Variants in BMPR1B observed in about 807,000 individuals in gnomAD.
The protein encoded by BMPR1B is bone morphogenetic protein receptor type 1B.
BMPR1B carries 12 observed loss-of-function variants against 59.1 expected under a neutral mutation model. The observed-to-expected ratio is 0.20, with a 90% CI of 0.13 to 0.33. The LOEUF is 0.33. Ranked by LOEUF, BMPR1B falls within the 10% of genes least tolerant of loss-of-function variation. BMPR1B has a pLI of 1.00. For missense variants in BMPR1B, 550 were observed against 610.9 expected (o/e 0.90, Z 1.05); for synonymous variants, 237 against 207.3 (o/e 1.14, Z -1.23).
intron 3 of BMPR1B, among the ~76,000 whole-genome samples, chr4:95,078,809 G>A (rs568417453): frequency 6.6e-6 from 1 of 152,246 alleles, no homozygotes; most frequent in South Asian, 2.1e-4. Context: ...CCAGGCTGGA[G>A]TGCAGTGGCA....
At chr4:95,043,972 A>G (rs1362771645) in intron 3 of BMPR1B, among the ~76,000 whole-genome samples, 2 of 152,208 alleles carry the variant, frequency 1.3e-5, no homozygotes, top group Non-Finnish European at 2.9e-5. Flanking sequence ...TAACAAATGT[A>G]TGTCCTCTAT....
At chr4:95,031,577 G>A (rs558555022) in intron 3 of BMPR1B, among the ~76,000 whole-genome samples, 1 of 152,126 alleles carries the variant, frequency 6.6e-6, no homozygotes, top group Non-Finnish European at 1.5e-5. Flanking sequence ...TCCCACCTCA[G>A]CTTTTCAAGT....
intron 2 of BMPR1B, among the ~76,000 whole-genome samples, chr4:94,893,296 G>A (rs1727467884): frequency 6.6e-6 from 1 of 151,956 alleles, no homozygotes; most frequent in African/African-American, 2.4e-5. Flanking sequence ...TTTGCACTTA[G>A]TGTTTATAGT....
At chr4:95,037,211 C>T (rs558883893) in intron 3 of BMPR1B, among the ~76,000 whole-genome samples, 12 of 151,978 alleles carry the variant, frequency 7.9e-5, no homozygotes, top group Non-Finnish European at 1.5e-4. Context: ...AGGATGGGGG[C>T]AGGGCTTAAA....
chr4:94,839,778 G>T (rs548848010), intron 1 of BMPR1B, among the ~76,000 whole-genome samples: 6,423 of 112,360 alleles, frequency 0.057, 231 homozygotes, highest in African/African-American at 0.072. Flanking sequence ...TTAATATTGT[G>T]ATGTGTGAAT....
At chr4:95,042,626 A>T (rs1725738982) in intron 3 of BMPR1B, among the ~76,000 whole-genome samples, 1 of 152,196 alleles carries the variant, frequency 6.6e-6, no homozygotes, top group South Asian at 2.1e-4. Context: ...TTAAACCTGT[A>T]TGTTAAGTAC....
chr4:94,869,631 A>G (rs979327759), intron 1 of BMPR1B, among the ~76,000 whole-genome samples: 6 of 152,190 alleles, frequency 3.9e-5, no homozygotes, highest in South Asian at 2.1e-4. Context: ...AATGGGTTCA[A>G]AAGGCCTACT....
At chr4:95,061,556 A>C (rs1216841358) in intron 3 of BMPR1B, among the ~76,000 whole-genome samples, 1 of 152,218 alleles carries the variant, frequency 6.6e-6, no homozygotes, top group Non-Finnish European at 1.5e-5. Context: ...ATTTGAAAAA[A>C]AGACCTGGTT....
chr4:94,935,204 T>C (rs1729244714), intron 2 of BMPR1B, among the ~76,000 whole-genome samples: 1 of 152,146 alleles, frequency 6.6e-6, no homozygotes, highest in Non-Finnish European at 1.5e-5. Context: ...TCCACTGAAT[T>C]TATGGCACTA....
intron 3 of BMPR1B, among the ~76,000 whole-genome samples, chr4:95,071,070 T>G (rs1728244023): frequency 6.6e-6 from 1 of 152,158 alleles, no homozygotes; most frequent in South Asian, 2.1e-4. Flanking sequence ...ATTTTTGGTA[T>G]GTATGTATCT....
At chr4:95,040,492 A>G (rs922419765) in intron 3 of BMPR1B, among the ~76,000 whole-genome samples, 1 of 152,212 alleles carries the variant, frequency 6.6e-6, no homozygotes, top group African/African-American at 2.4e-5. Context: ...TTGATAGGAA[A>G]CTGTTCAGCT....
At chr4:94,815,038 G>A (rs2110644576) in intron 1 of BMPR1B, among the ~76,000 whole-genome samples, 1 of 152,044 alleles carries the variant, frequency 6.6e-6, no homozygotes, top group African/African-American at 2.4e-5. Context: ...TGAGTAGCTG[G>A]GATTACAGGC....
At chr4:94,944,527 C>T (rs1354704222) in intron 2 of BMPR1B, among the ~76,000 whole-genome samples, 1 of 152,056 alleles carries the variant, frequency 6.6e-6, no homozygotes, top group African/African-American at 2.4e-5. Context: ...ACTGTGTAGA[C>T]ATGTATGTGA....
At chr4:95,134,408 G>A (rs551343710) in intron 10 of BMPR1B, among the ~76,000 whole-genome samples, 42 of 152,276 alleles carry the variant, frequency 2.8e-4, no homozygotes, top group Non-Finnish European at 4.4e-4. Context: ...TGGGTCAAAT[G>A]TATTTCTAGT....
intron 1 of BMPR1B, among the ~76,000 whole-genome samples, chr4:94,762,446 C>T (rs947232907): frequency 1.3e-5 from 2 of 152,100 alleles, no homozygotes; most frequent in African/African-American, 4.8e-5. Flanking sequence ...CAAGAAAGAG[C>T]CAACCCCGTG....
At chr4:94,986,857 C>T (rs759391352) in intron 2 of BMPR1B, among the ~76,000 whole-genome samples, 15 of 151,706 alleles carry the variant, frequency 9.9e-5, no homozygotes, top group African/African-American at 3.1e-4. Context: ...CTGGCTAACA[C>T]GGTGAAACCC....
intron 2 of BMPR1B, among the ~76,000 whole-genome samples, chr4:94,943,629 C>T (rs1042661025): frequency 5.9e-5 from 9 of 152,228 alleles, no homozygotes; most frequent in African/African-American, 2.2e-4. Context: ...TTTTCCCATA[C>T]CTAGTAAGTA....
In BMPR1B at chr4:94,758,026, G is replaced by A. The variant is rs1392162012; in HGVS notation, c.-225G>A. On this transcript the variant is annotated 5_prime_UTR_variant, in exon 1 of 13. Transcript: ENST00000515059. Reference sequence around the variant, plus strand: ...CTCGCGGGACGCCGGGCAGTGCGGAGACCGCGGCGCTGAGGACGCGGGAGC... The same window carrying A: ...CTCGCGGGACGCCGGGCAGTGCGGAAACCGCGGCGCTGAGGACGCGGGAGC... 2.0e-5 allele frequency: 3 copies of A among 147,880 alleles called. No individual in the cohort carries two copies. The South Asian group carries it at 5.3e-4, about 26-fold the overall frequency. 9.2% of individuals were successfully genotyped at this position (147,880 alleles called of 1,614,324 possible).
intron 2 of BMPR1B, among the ~76,000 whole-genome samples, chr4:94,908,062 A>T (rs1457612199): frequency 8.5e-5 from 7 of 81,952 alleles, no homozygotes; most frequent in South Asian, 3.9e-4. Context: ...CCCTGTCTTT[A>T]AAAAAAAAAA....
Sources: gnomAD v4.1 joint callset for allele counts (sites outside exome capture counted in the v4.1 genomes callset) on GRCh38, gnomAD v4.1.1 for gene constraint, MANE v1.5 for transcripts, NCBI Gene and HGNC (gene_info 2026-07-23, HGNC 2026-07-21) for gene names.